TMEM181: variants seen among roughly 807,000 people sequenced by gnomAD.
The protein encoded by TMEM181 is transmembrane protein 181, also known as G protein-coupled receptor 178.
A neutral mutation model predicts 71.9 loss-of-function variants in TMEM181; 39 were observed. That is an observed-to-expected ratio of 0.54 (90% CI 0.42 to 0.71). The LOEUF (loss-of-function observed/expected upper bound fraction) is 0.71, where lower values mean the gene tolerates loss of function less well. Ranked by LOEUF, TMEM181 falls within the 30% of genes least tolerant of loss-of-function variation. The probability of loss-of-function intolerance (pLI) is 0.00; values close to 1 mark genes in which losing one functional copy is unlikely to be tolerated. For synonymous variants in TMEM181, 245 were observed against 228.8 expected, an observed-to-expected ratio of 1.07 and a Z score of -0.64; for missense variants, 595 against 583.0, an observed-to-expected ratio of 1.02 and a Z score of -0.21.
Position 158,631,368 on chromosome 6 carries a change from C to T in TMEM181, c.1328C>T (p.Ser443Leu), listed in dbSNP as rs201415597. The change falls in exon 16 of 17, where the codon TCG becomes TTG. Residue 443 changes from serine to leucine, a missense_variant. Physicochemically the swap from Ser to Leu is moderately radical, Grantham distance 145. Transcript: ENST00000684151. ...CCTGCCTTCTCCATGCTGAATGACT[C>T]GGATGATGATGTGATTTATGGGTAA... ...DNPAFSMLND[S>L]DDDVIYGSDY... is the part of the protein sequence containing the mutation. 5.6e-6 allele frequency: 9 copies of T among 1,614,062 alleles called. No individual in the cohort carries two copies. The East Asian group carries it at 1.1e-4, about 20-fold the overall frequency.
At position 158,585,572 on chromosome 6, in the gene TMEM181, G is replaced by A. The variant is rs944706153; in HGVS notation, c.381+147G>A. 6 of 1,104,020 alleles carry A rather than the reference G, an allele frequency of 5.4e-6. 1 individual carries two copies. In the Admixed American group the frequency reaches 1.9e-4, roughly 34 times the overall value. The allele number at this position is 1,104,020 out of a possible 1,614,324, so 68.4% of individuals were successfully genotyped here. Reference sequence around the variant, plus strand: ...AAAAAATGGAGTCATACCAAAGATGGCATGAAAAAACTTACTTATTTTTAC... The same window carrying A: ...AAAAAATGGAGTCATACCAAAGATGACATGAAAAAACTTACTTATTTTTAC... On this transcript the variant is annotated intron_variant, in intron 5 of 16. Coordinates refer to ENST00000684151, the MANE Select transcript of TMEM181 (RefSeq NM_001376852.1).
At chr6:158,572,816 C>T (rs1009256995) in intron 1 of TMEM181, among the ~76,000 whole-genome samples, 11 of 152,102 alleles carry the variant, frequency 7.2e-5, no homozygotes, top group African/African-American at 2.7e-4. Flanking sequence ...TTGGGTGGCA[C>T]AAGGGGAACC....
intron 6 of TMEM181, among the ~76,000 whole-genome samples, chr6:158,593,624 A>G (rs1784230774): frequency 6.6e-6 from 1 of 152,228 alleles, no homozygotes; most frequent in African/African-American, 2.4e-5. Context: ...GCTTGTAGAG[A>G]GATGCACTAA....
chr6:158,615,872 G>A (rs1486982719), intron 10 of TMEM181, among the ~76,000 whole-genome samples: 2 of 152,210 alleles, frequency 1.3e-5, no homozygotes, highest in Non-Finnish European at 2.9e-5. Context: ...GTACCATGCT[G>A]TTTTGGTTAC....
rs1785896478 is a variant in TMEM181, at chr6:158,620,545, T to C, written c.897-3005T>C. On this transcript the variant is annotated intron_variant, in intron 10 of 16. Transcript: ENST00000684151. This position sits in a 1 kb window ranked among gnomAD's most constrained non-coding sequence, Gnocchi z 4.5. ...AGAGGGAGAAAGAGGGAGCAAGGGTTAGGGAGCGAAATACCCATCGCTGGT... is the reference window on the plus strand; with the variant it reads ...AGAGGGAGAAAGAGGGAGCAAGGGTCAGGGAGCGAAATACCCATCGCTGGT... 6.6e-6 allele frequency among the ~76,000 whole-genome samples: 1 copy of C among 152,046 alleles called. No homozygotes were observed. The highest frequency in any genetic ancestry group is 2.4e-5 in the African/African-American group (1 of 41,400).
chr6:158,543,945 C>T (rs1781438702), intron 1 of TMEM181, among the ~76,000 whole-genome samples: 1 of 152,166 alleles, frequency 6.6e-6, no homozygotes, highest in African/African-American at 2.4e-5. Flanking sequence ...GCTTGATGAA[C>T]AAGAGTCAGG....
At position 158,585,424 on chromosome 6, in the gene TMEM181, G is replaced by C; in HGVS notation, c.380G>C (p.Gly127Ala). The C allele has an allele frequency of 6.3e-7, 1 of 1,595,200 alleles. No individual in the cohort carries two copies. The highest frequency in any genetic ancestry group is 8.5e-7 in the Non-Finnish European group (1 of 1,172,824). The stretch of plus-strand genomic sequence containing the variant: ...CGGACAAGGACCCTCACATGTGCAG[G>C]GGTGAGTGTGTGGGGTGAGCCCCAC... ...HNRTRTLTCA[G>A]KCAEIIVAHL... Residue 127 changes from glycine to alanine, a missense_variant and splice_region_variant, in exon 5 of 17, where the codon GGG becomes GCG. Gly to Ala is a moderately conservative substitution (Grantham distance 60, BLOSUM62 0). Transcript: ENST00000684151.
At chr6:158,578,827 T>C (rs756041759) in intron 2 of TMEM181, among the ~76,000 whole-genome samples, 1 of 152,268 alleles carries the variant, frequency 6.6e-6, no homozygotes, top group Non-Finnish European at 1.5e-5. Flanking sequence ...ACTCCAACTA[T>C]ATACTGTCTA....
chr6:158,560,552 G>A (rs889910089), intron 1 of TMEM181, among the ~76,000 whole-genome samples: 3 of 152,160 alleles, frequency 2.0e-5, no homozygotes, highest in African/African-American at 7.2e-5. Flanking sequence ...GGGCGCTGCG[G>A]CCCTTCCCCG....
chr6:158,579,722 A>AAAACAAAC (rs1205266104), intron 2 of TMEM181, among the ~76,000 whole-genome samples: 2 of 152,208 alleles, frequency 1.3e-5, no homozygotes, highest in Non-Finnish European at 2.9e-5. Context: ...GCTGTCTCAA[A>AAAACAAAC]AAACAAACAA....
chr6:158,545,339 C>T (rs1475243250), intron 1 of TMEM181, among the ~76,000 whole-genome samples: 1 of 152,262 alleles, frequency 6.6e-6, no homozygotes, highest in East Asian at 1.9e-4. Flanking sequence ...CATCACGTGC[C>T]TGGGACTGGC....
chr6:158,566,805 G>T (rs540272313), intron 1 of TMEM181, among the ~76,000 whole-genome samples: 2 of 152,114 alleles, frequency 1.3e-5, no homozygotes, highest in Non-Finnish European at 2.9e-5. Context: ...AAGTTTTCCA[G>T]CTCCTGTCTC....
At chr6:158,623,473 AAGT>A in intron 10 of TMEM181, 74 bp from the exon 11 acceptor site, 1 of 1,065,970 alleles carries the variant, frequency 9.4e-7, no homozygotes, top group Non-Finnish European at 1.3e-6. Flanking sequence ...AAAAAACAAA[AAGT>A]CAATAAGAAA....
intron 10 of TMEM181, among the ~76,000 whole-genome samples, chr6:158,617,008 A>AG: frequency 6.6e-6 from 1 of 152,332 alleles, no homozygotes; most frequent in East Asian, 1.9e-4. Flanking sequence ...AAAATGAGTT[A>AG]GGGAGGATTC....
At chr6:158,630,274 T>C (rs1302710017) in intron 15 of TMEM181, among the ~76,000 whole-genome samples, 1 of 152,004 alleles carries the variant, frequency 6.6e-6, no homozygotes, top group East Asian at 1.9e-4. Flanking sequence ...GGCGGGAGGA[T>C]TGTTTGAGGC....
intron 1 of TMEM181, among the ~76,000 whole-genome samples, chr6:158,549,081 G>C (rs1410116256): frequency 6.6e-6 from 1 of 151,820 alleles, no homozygotes; most frequent in Non-Finnish European, 1.5e-5. Flanking sequence ...GTGGCAAAGG[G>C]GACAAAATGA....
intron 13 of TMEM181, among the ~76,000 whole-genome samples, chr6:158,627,992 A>G (rs1786424040): frequency 6.6e-6 from 1 of 152,172 alleles, no homozygotes; most frequent in Non-Finnish European, 1.5e-5. Context: ...TGTGTCTGAA[A>G]GGGGAGCTGT....
intron 2 of TMEM181, among the ~76,000 whole-genome samples, chr6:158,577,619 A>T (rs1386483762): frequency 6.6e-6 from 1 of 152,208 alleles, no homozygotes; most frequent in African/African-American, 2.4e-5. Context: ...AGTAGGATGA[A>T]CTGAAAGAGA....
At chr6:158,594,545 C>T (rs1332017446) in intron 6 of TMEM181, among the ~76,000 whole-genome samples, 1 of 152,138 alleles carries the variant, frequency 6.6e-6, no homozygotes, top group Non-Finnish European at 1.5e-5. Context: ...AATAATATTT[C>T]ATTGTCTGGA....
Sources: allele counts gnomAD v4.1 joint callset (sites outside exome capture counted in the v4.1 genomes callset), GRCh38; gene constraint gnomAD v4.1.1; non-coding constraint Gnocchi (gnomAD v3.1); transcripts MANE v1.5; gene names NCBI Gene and HGNC (gene_info 2026-07-23, HGNC 2026-07-21).